The following BCL2L1 variants were observed in gnomAD, a reference collection of about 807,000 sequenced individuals.
BCL2L1 encodes the protein bcl-2-like protein 1.
In BCL2L1, 1 loss-of-function variant was observed where a neutral mutation model predicts 18.7. The observed-to-expected ratio is 0.05, with a 90% CI of 0.02 to 0.25. The LOEUF is 0.25. BCL2L1 is among the 10% of genes least tolerant of loss of function. BCL2L1 has a pLI of 1.00. For synonymous variants in BCL2L1, 103 were observed against 122.7 expected (o/e 0.84, Z 1.06); for missense variants, 207 against 304.9 (o/e 0.68, Z 2.39).
chr20:31,707,943 C>T (rs984006242), intron 2 of BCL2L1, among the ~76,000 whole-genome samples: 1 of 152,158 alleles, frequency 6.6e-6, no homozygotes, highest in African/African-American at 2.4e-5. Flanking sequence ...TCGTACCTGA[C>T]TCTTAACAAC....
chr20:31,707,639 G>A (rs577371496), intron 2 of BCL2L1, among the ~76,000 whole-genome samples: 5 of 152,026 alleles, frequency 3.3e-5, no homozygotes, highest in African/African-American at 7.2e-5. Flanking sequence ...TTAGCTGGGC[G>A]TGGTGGCGCA....
chr20:31,677,442 C>G (rs916427138), intron 2 of BCL2L1, among the ~76,000 whole-genome samples: 3 of 152,160 alleles, frequency 2.0e-5, no homozygotes, highest in Non-Finnish European at 4.4e-5. Flanking sequence ...CCTCGGCCCC[C>G]CAAAGTGCTG....
At chr20:31,675,884 T>C (rs1291870427) in intron 2 of BCL2L1, among the ~76,000 whole-genome samples, 1 of 152,224 alleles carries the variant, frequency 6.6e-6, no homozygotes, top group Non-Finnish European at 1.5e-5. Flanking sequence ...TTCATGTTTA[T>C]CTTCCTCCAA....
rs111521268 is a variant in BCL2L1, at chr20:31,721,829, G to A, written c.390C>T (p.Leu130=). ...YQSFEQVVNE[L]FRDGVNWGRI... ...GACCCCAGTTTACCCCATCCCGGAAGAGTTCATTCACTACCTGTTCAAAGC... is the reference window on the plus strand; with the variant it reads ...GACCCCAGTTTACCCCATCCCGGAAAAGTTCATTCACTACCTGTTCAAAGC... Residue 130 remains leucine, a synonymous_variant, in exon 2 of 3, where the codon CTC becomes CTT. Coordinates refer to ENST00000307677, the MANE Select transcript of BCL2L1 (RefSeq NM_138578.3). The A allele has an allele frequency of 1.1e-5, 17 of 1,614,224 alleles. No homozygotes were observed. In the African/African-American group the frequency reaches 1.5e-4, roughly 14 times the overall value.
chr20:31,669,474 A>G (rs1035238007), intron 2 of BCL2L1, among the ~76,000 whole-genome samples: 1 of 141,184 alleles, frequency 7.1e-6, no homozygotes, highest in African/African-American at 2.7e-5. Context: ...TTTTTTTTAG[A>G]CGAAGACTTG....
chr20:31,675,209 G>T (rs918068314), intron 2 of BCL2L1, among the ~76,000 whole-genome samples: 2 of 152,176 alleles, frequency 1.3e-5, no homozygotes, highest in African/African-American at 4.8e-5. Context: ...GTTATTTCAG[G>T]AAAGAGGTAG....
intron 2 of BCL2L1, among the ~76,000 whole-genome samples, chr20:31,692,327 AC>A (rs1235330985): frequency 1.3e-5 from 2 of 152,270 alleles, no homozygotes; most frequent in Non-Finnish European, 2.9e-5. Context: ...ATAACCACTG[AC>A]AGCAGAATGG....
At chr20:31,686,921 T>C (rs540722673) in intron 2 of BCL2L1, among the ~76,000 whole-genome samples, 25 of 152,332 alleles carry the variant, frequency 1.6e-4, no homozygotes, top group Admixed American at 5.2e-4. Context: ...TTTATTAGCA[T>C]TCAACCTTAG....
chr20:31,718,663 A>G (rs2061576996), intron 2 of BCL2L1, among the ~76,000 whole-genome samples: 2 of 151,982 alleles, frequency 1.3e-5, no homozygotes, highest in African/African-American at 4.8e-5. Flanking sequence ...CTCAAAAAAA[A>G]AAAAAAAAAG....
At chr20:31,703,931 G>A (rs145847905) in intron 2 of BCL2L1, among the ~76,000 whole-genome samples, 1,815 of 150,696 alleles carry the variant, frequency 0.012, 33 homozygotes, top group African/African-American at 0.042. Context: ...CCAAGTAGCC[G>A]GGACTATAGG....
chr20:31,704,587 G>T (rs999512107), intron 2 of BCL2L1, among the ~76,000 whole-genome samples: 4 of 152,162 alleles, frequency 2.6e-5, no homozygotes, highest in African/African-American at 9.7e-5. Flanking sequence ...GGCCGGAGTA[G>T]GGAATCTGTG....
intron 2 of BCL2L1, among the ~76,000 whole-genome samples, chr20:31,669,803 C>T (rs539247597): frequency 6.6e-6 from 1 of 152,160 alleles, no homozygotes; most frequent in East Asian, 1.9e-4. Flanking sequence ...GTGCTCAGAA[C>T]AGTGTCTTGC....
chr20:31,670,518 G>A (rs2060650744), intron 2 of BCL2L1, among the ~76,000 whole-genome samples: 1 of 152,334 alleles, frequency 6.6e-6, no homozygotes, highest in South Asian at 2.1e-4. Context: ...AACAGGCGCT[G>A]TCCCCACAAG....
At chr20:31,703,844 C>T (rs1238844657) in intron 2 of BCL2L1, among the ~76,000 whole-genome samples, 7 of 147,212 alleles carry the variant, frequency 4.8e-5, no homozygotes, top group African/African-American at 1.8e-4. Context: ...GTCACCCAGG[C>T]TGGAGTGCAG....
At chr20:31,683,769 C>CAAAAA (rs372160646) in intron 2 of BCL2L1, among the ~76,000 whole-genome samples, 11 of 80,708 alleles carry the variant, frequency 1.4e-4, no homozygotes, top group East Asian at 1.9e-3. Context: ...AACTCCATCT[C>CAAAAA]AAAAAAAAAA....
intron 2 of BCL2L1, among the ~76,000 whole-genome samples, chr20:31,694,000 G>A (rs1003945201): frequency 7.2e-5 from 11 of 152,154 alleles, no homozygotes; most frequent in Non-Finnish European, 1.5e-4. Flanking sequence ...AGCCAGAACT[G>A]TAACAACTAA....
chr20:31,668,911 T>A (rs2060627515), intron 2 of BCL2L1, among the ~76,000 whole-genome samples: 1 of 151,560 alleles, frequency 6.6e-6, no homozygotes, highest in Non-Finnish European at 1.5e-5. Flanking sequence ...AGCCACCATT[T>A]TTTTTTTCTT....
intron 2 of BCL2L1, among the ~76,000 whole-genome samples, chr20:31,670,131 G>A (rs1426275834): frequency 2.6e-5 from 4 of 152,206 alleles, no homozygotes; most frequent in Admixed American, 2.6e-4. Flanking sequence ...TGTGGGAGCA[G>A]GGTTGAGGTG....
chr20:31,708,279 C>T (rs2061401730), intron 2 of BCL2L1, among the ~76,000 whole-genome samples: 1 of 152,170 alleles, frequency 6.6e-6, no homozygotes, highest in African/African-American at 2.4e-5. Flanking sequence ...TTGGGGGGCA[C>T]ACACAAGGGA....
Sources: allele counts gnomAD v4.1 joint callset (sites outside exome capture counted in the v4.1 genomes callset), GRCh38; gene constraint gnomAD v4.1.1; transcripts MANE v1.5; gene names NCBI Gene and HGNC (gene_info 2026-07-23, HGNC 2026-07-21).